Variants in RBFOX1 observed in about 807,000 individuals in gnomAD.
The protein encoded by RBFOX1 is RNA binding fox-1 homolog 1.
A neutral mutation model predicts 57.7 loss-of-function variants in RBFOX1; 8 were observed. The ratio of observed to expected loss-of-function variants is 0.14; its 90% CI spans 0.08 to 0.25. The LOEUF is 0.25. Among genes scored for constraint, RBFOX1 ranks in the 10% least tolerant of loss-of-function variants. The pLI is 1.00. For synonymous variants in RBFOX1, 326 were observed against 222.4 expected, an observed-to-expected ratio of 1.47 and a Z score of -4.15; for missense variants, 611 against 548.5, an observed-to-expected ratio of 1.11 and a Z score of -1.14.
At chr16:7,516,135 A>T (rs745457354) in intron 4 of RBFOX1, among the ~76,000 whole-genome samples, 1 of 152,142 alleles carries the variant, frequency 6.6e-6, no homozygotes, top group Non-Finnish European at 1.5e-5. Context: ...ATGAGGCAAC[A>T]TGCCCACCCT....
chr16:7,110,925 A>G (rs537948988), intron 4 of RBFOX1, among the ~76,000 whole-genome samples: 1 of 152,302 alleles, frequency 6.6e-6, no homozygotes, highest in African/African-American at 2.4e-5. Context: ...GGGTAGTAAA[A>G]GGACACCAGG....
At chr16:5,585,827 G>A (rs528631192) in intron 2 of RBFOX1, among the ~76,000 whole-genome samples, 1 of 152,192 alleles carries the variant, frequency 6.6e-6, no homozygotes. Context: ...AACCTGATTC[G>A]TGTGAAGTAG....
At chr16:6,693,767 A>G (rs1187889981) in intron 3 of RBFOX1, among the ~76,000 whole-genome samples, 1 of 151,728 alleles carries the variant, frequency 6.6e-6, no homozygotes, top group Non-Finnish European at 1.5e-5. Flanking sequence ...CACCATCATT[A>G]GCAACATCAT....
chr16:7,403,600 G>A (rs559833556), intron 4 of RBFOX1, among the ~76,000 whole-genome samples: 8 of 141,246 alleles, frequency 5.7e-5, no homozygotes, highest in Non-Finnish European at 1.1e-4. Flanking sequence ...AGTCTGGAGT[G>A]CAATGGCACA....
intron 3 of RBFOX1, among the ~76,000 whole-genome samples, chr16:5,631,901 G>C (rs1295273347): frequency 6.6e-6 from 1 of 152,202 alleles, no homozygotes; most frequent in African/African-American, 2.4e-5. Context: ...GTGTTCACTA[G>C]GGTCAGGTGA....
intron 3 of RBFOX1, chr16:6,721,645 A>G (rs183261131): frequency 2.6e-5 from 4 of 152,110 alleles, no homozygotes; most frequent in African/African-American, 9.7e-5. Context: ...CTCTTTGTGA[A>G]TTCCTATTCT....
At chr16:7,409,986 CA>C (rs2098406631) in intron 4 of RBFOX1, among the ~76,000 whole-genome samples, 1 of 152,146 alleles carries the variant, frequency 6.6e-6, no homozygotes, top group Non-Finnish European at 1.5e-5. Context: ...GGAAGAGGAC[CA>C]GGGGACACAG....
intron 3 of RBFOX1, among the ~76,000 whole-genome samples, chr16:5,648,699 C>G (rs1045765223): frequency 6.6e-6 from 1 of 152,102 alleles, no homozygotes; most frequent in East Asian, 1.9e-4. Flanking sequence ...GTGGGCAGGA[C>G]TGGAAGTTAT....
At chr16:6,846,063 A>T (rs548604771) in intron 3 of RBFOX1, among the ~76,000 whole-genome samples, 3 of 152,318 alleles carry the variant, frequency 2.0e-5, no homozygotes, top group South Asian at 4.1e-4. Flanking sequence ...TCACAGTTGT[A>T]ATCTGTGTCC....
intron 4 of RBFOX1, among the ~76,000 whole-genome samples, chr16:7,114,024 G>C (rs1006072798): frequency 6.6e-6 from 1 of 152,162 alleles, no homozygotes; most frequent in Non-Finnish European, 1.5e-5. Context: ...AATAATGAAT[G>C]TGCAATGAAT....
chr16:5,548,170 A>ATATATATATATAT (rs1317008346), intron 2 of RBFOX1, among the ~76,000 whole-genome samples: 196 of 40,424 alleles, frequency 4.8e-3, no homozygotes, highest in Non-Finnish European at 8.8e-3. Context: ...AAAAAAAAAA[A>ATATATATATATAT]AAAAATATAT....
chr16:6,415,888 G>T (rs2093611663), intron 2 of RBFOX1, among the ~76,000 whole-genome samples: 2 of 152,100 alleles, frequency 1.3e-5, no homozygotes, highest in Non-Finnish European at 2.9e-5. Flanking sequence ...TCTGCAGATG[G>T]GTGCCAGGTA....
chr16:6,503,429 G>A (rs908527645), intron 2 of RBFOX1, among the ~76,000 whole-genome samples: 4 of 152,126 alleles, frequency 2.6e-5, no homozygotes, highest in Non-Finnish European at 5.9e-5. Flanking sequence ...AAAATCATAT[G>A]TTTGTTCACA....
chr16:5,286,275 G>C (rs1172686096), intron 1 of RBFOX1, among the ~76,000 whole-genome samples: 1 of 152,190 alleles, frequency 6.6e-6, no homozygotes, highest in South Asian at 2.1e-4. Flanking sequence ...GTTGCTGGCA[G>C]TGGCAGTACT....
chr16:6,247,692 C>T (rs2097576781), intron 1 of RBFOX1, among the ~76,000 whole-genome samples: 1 of 152,180 alleles, frequency 6.6e-6, no homozygotes, highest in Admixed American at 6.5e-5. Context: ...TTGCCAAAGT[C>T]ATGTAGCAAA....
At chr16:6,503,236 T>A (rs2095990951) in intron 2 of RBFOX1, among the ~76,000 whole-genome samples, 1 of 152,124 alleles carries the variant, frequency 6.6e-6, no homozygotes, top group South Asian at 2.1e-4. Context: ...TTAAAATAAA[T>A]CTTAAGCACA....
chr16:7,696,818 G>A (rs956481749), intron 14 of RBFOX1, among the ~76,000 whole-genome samples: 1 of 152,142 alleles, frequency 6.6e-6, no homozygotes, highest in Non-Finnish European at 1.5e-5. Flanking sequence ...CCTGTCTGAG[G>A]GGGTAACATT....
At chr16:7,511,405 A>T (rs1277848455) in intron 4 of RBFOX1, among the ~76,000 whole-genome samples, 1 of 152,012 alleles carries the variant, frequency 6.6e-6, no homozygotes, top group Non-Finnish European at 1.5e-5. Context: ...TTTCTCTCTG[A>T]CTCTGTCTCC....
intron 3 of RBFOX1, among the ~76,000 whole-genome samples, chr16:5,710,009 A>G (rs555461292): frequency 4.7e-5 from 7 of 150,304 alleles, no homozygotes; most frequent in Admixed American, 2.0e-4. Context: ...ATTGGGTTCT[A>G]CAGCCTGTAC....
Sources: gnomAD v4.1 joint callset for allele counts (sites outside exome capture counted in the v4.1 genomes callset) on GRCh38, gnomAD v4.1.1 for gene constraint, MANE v1.5 for transcripts, NCBI Gene and HGNC (gene_info 2026-07-23, HGNC 2026-07-21) for gene names.